HIGD1A: variants seen among roughly 807,000 people sequenced by gnomAD.
The protein encoded by HIGD1A is HIG1 domain family member 1A, mitochondrial.
HIGD1A carries 8 observed loss-of-function variants against 11.3 expected under a neutral mutation model. The observed-to-expected ratio is 0.71, with a 90% CI of 0.42 to 1.28. The LOEUF is 1.28. Ranked by LOEUF, HIGD1A falls within the 50% of genes most tolerant of loss-of-function variation. The probability of loss-of-function intolerance (pLI) is 0.01; values close to 1 mark genes in which losing one functional copy is unlikely to be tolerated. For synonymous variants in HIGD1A, 32 were observed against 38.4 expected (o/e 0.83, Z 0.62); for missense variants, 107 against 118.8 (o/e 0.90, Z 0.46).
rs1463385438 is a variant in HIGD1A at position 42,796,882 on chromosome 3, G to GCTGCACGACTCCTAAACCATAATT, written c.-22-2608_-22-2607insAATTATGGTTTAGGAGTCGTGCAG. Among the ~76,000 whole-genome samples, 6 of 1,448 alleles carry GCTGCACGACTCCTAAACCATAATT rather than the reference G, an allele frequency of 4.1e-3. 1 individual carries two copies. Among genetic ancestry groups the GCTGCACGACTCCTAAACCATAATT allele is most frequent in the Non-Finnish European group, 0.17 (2 of 12 alleles). The allele number at this position is 1,448 out of a possible 152,430, so 0.9% of individuals were successfully genotyped here. A position where few individuals can be genotyped will look rare whatever the true frequency, so the allele number is the denominator to read the frequency against. ...GGAGGGTTAGAATCTTATAACTTCC[G>GCTGCACGACTCCTAAACCATAATT]TCCCTCTCCCTCTCCCTCTCCCTCT... is the stretch of plus-strand genomic sequence containing the variant. On this transcript the variant is annotated intron_variant, in intron 1 of 3. Coordinates refer to ENST00000321331, the MANE Select transcript of HIGD1A (RefSeq NM_014056.4).
At chr3:42,794,355 C>T (rs1424785675) in intron 1 of HIGD1A, 80 bp from the exon 2 acceptor site, 6 of 1,279,656 alleles carry the variant, frequency 4.7e-6, no homozygotes, top group Non-Finnish European at 6.3e-6. Flanking sequence ...TAAAATATTC[C>T]TAACTTCCAT....
At chr3:42,791,684 G>T (rs971860254) in intron 2 of HIGD1A, among the ~76,000 whole-genome samples, 1 of 152,188 alleles carries the variant, frequency 6.6e-6, no homozygotes, top group Middle Eastern at 3.2e-3. Flanking sequence ...TTAAATCAAT[G>T]TAGGGTTTAT....
intron 1 of HIGD1A, among the ~76,000 whole-genome samples, chr3:42,795,551 A>C (rs1700486063): frequency 6.6e-6 from 1 of 151,940 alleles, no homozygotes; most frequent in South Asian, 2.1e-4. Flanking sequence ...GCAGCACAAA[A>C]CTGAATTACC....
chr3:42,802,063 A>G (rs537497449), intron 1 of HIGD1A, among the ~76,000 whole-genome samples: 1 of 152,238 alleles, frequency 6.6e-6, no homozygotes, highest in East Asian at 1.9e-4. Context: ...CAGGACATAA[A>G]TCGTTTTTTA....
intron 1 of HIGD1A, among the ~76,000 whole-genome samples, chr3:42,795,769 C>G (rs1024017163): frequency 6.6e-6 from 1 of 151,676 alleles, no homozygotes; most frequent in African/African-American, 2.4e-5. Context: ...GGATCAAAGG[C>G]TCCTTTCCTC....
At chr3:42,791,589 A>G (rs191579347) in intron 2 of HIGD1A, among the ~76,000 whole-genome samples, 1 of 152,326 alleles carries the variant, frequency 6.6e-6, no homozygotes, top group Admixed American at 6.5e-5. Context: ...ATATAAGGAT[A>G]TTTAATTTTT....
intron 1 of HIGD1A, chr3:42,804,094 C>T (rs1700605070): frequency 2.1e-6 from 3 of 1,431,824 alleles, no homozygotes; most frequent in East Asian, 2.5e-5. Context: ...TCCCCGCCGT[C>T]GGGCCCAGTC....
At position 42,783,514 on chromosome 3, in the gene HIGD1A, T is replaced by C. The variant is rs762049665; in HGVS notation, c.*1757A>G. 2.6e-5 allele frequency among the ~76,000 whole-genome samples: 4 copies of C among 151,452 alleles called. No homozygotes were observed. Among genetic ancestry groups the C allele is most frequent in the Middle Eastern group, 3.5e-3 (1 of 288 alleles). On this transcript the variant is annotated 3_prime_UTR_variant, in exon 4 of 4. Transcript: ENST00000321331. The stretch of plus-strand genomic sequence containing the variant: ...CCTGTAATCCCAGCTACTCGGAAGG[T>C]TGAAGCATCAGAATCGCACGAAGCT...
intron 1 of HIGD1A, among the ~76,000 whole-genome samples, chr3:42,795,064 C>CT (rs1216441257): frequency 1.3e-5 from 2 of 152,022 alleles, no homozygotes; most frequent in Non-Finnish European, 2.9e-5. Flanking sequence ...TCTCGGCTCA[C>CT]TGCAACCTCC....
intron 2 of HIGD1A, among the ~76,000 whole-genome samples, chr3:42,790,883 T>C (rs1278428717): frequency 2.0e-5 from 3 of 152,214 alleles, no homozygotes; most frequent in Admixed American, 6.5e-5. Flanking sequence ...ATGATCATTA[T>C]ACACTACAGC....
chr3:42,787,830 A>AC (rs1353801542), intron 2 of HIGD1A, among the ~76,000 whole-genome samples: 35 of 151,048 alleles, frequency 2.3e-4, no homozygotes, highest in Non-Finnish European at 5.2e-4. Context: ...TTAAATTCTT[A>AC]AAAATAAATA....
intron 2 of HIGD1A, among the ~76,000 whole-genome samples, chr3:42,787,831 A>T (rs1287592533): frequency 6.6e-6 from 1 of 150,974 alleles, no homozygotes; most frequent in Non-Finnish European, 1.5e-5. Flanking sequence ...TAAATTCTTA[A>T]AAATAAATAA....
chr3:42,804,327 C>T, intron 1 of HIGD1A, 109 bp downstream of exon 1: 1 of 788,040 alleles, frequency 1.3e-6, no homozygotes, highest in South Asian at 1.8e-5. Flanking sequence ...GACACGGACT[C>T]CCAGCCCCCA....
At chr3:42,785,911 G>T in intron 3 of HIGD1A, 117 bp downstream of exon 3, 4 of 863,102 alleles carry the variant, frequency 4.6e-6, no homozygotes, top group Non-Finnish European at 7.5e-6. Flanking sequence ...ACATGAAAAT[G>T]AGTATAAGTG....
chr3:42,787,594 A>AAAAT (rs1383516264), intron 2 of HIGD1A, among the ~76,000 whole-genome samples: 1 of 141,256 alleles, frequency 7.1e-6, no homozygotes, highest in African/African-American at 2.6e-5. Flanking sequence ...CCATCTCAAA[A>AAAAT]ATATATATAT....
intron 1 of HIGD1A, 65 bp downstream of exon 1, chr3:42,804,371 C>G (rs1248629154): frequency 1.8e-6 from 1 of 567,610 alleles, no homozygotes; most frequent in Non-Finnish European, 3.0e-6. Context: ...CCAAGCGCTG[C>G]CCCACTTCTT....
At chr3:42,789,037 A>AAT (rs1700385926) in intron 2 of HIGD1A, among the ~76,000 whole-genome samples, 1 of 82,002 alleles carries the variant, frequency 1.2e-5, no homozygotes, top group Admixed American at 1.9e-4. Context: ...TTACTTTGGG[A>AAT]ATTTTTTTTT....
rs976735843 is a variant in HIGD1A, at chr3:42,784,111, T to A, written c.*1160A>T. On this transcript the variant is annotated 3_prime_UTR_variant, in exon 4 of 4. Coordinates refer to ENST00000321331, the MANE Select transcript of HIGD1A (RefSeq NM_014056.4). ...AAAAAAAATTTATATGGATAATCAA[T>A]AGAACAAAAATTACCCACAAAAGGA... is the stretch of plus-strand genomic sequence containing the variant. 2.0e-5 allele frequency among the ~76,000 whole-genome samples: 3 copies of A among 146,642 alleles called. No homozygotes were observed.
chr3:42,785,453 G>C, intron 3 of HIGD1A, 133 bp from the exon 4 acceptor site: 2 of 680,216 alleles, frequency 2.9e-6, no homozygotes, highest in Non-Finnish European at 5.1e-6. Context: ...AAGACCCTAG[G>C]AAGCTTATAC....
Sources: allele counts gnomAD v4.1 joint callset (sites outside exome capture counted in the v4.1 genomes callset), GRCh38; gene constraint gnomAD v4.1.1; transcripts MANE v1.5; gene names NCBI Gene and HGNC (gene_info 2026-07-23, HGNC 2026-07-21).